The following NDUFB2 variants were observed in gnomAD, a reference collection of about 807,000 sequenced individuals.
NDUFB2 encodes the protein NADH:ubiquinone oxidoreductase subunit B2.
Under a neutral mutation model 13.4 loss-of-function variants are expected in NDUFB2, and 13 were observed. The ratio of observed to expected loss-of-function variants is 0.97; its 90% CI spans 0.63 to 1.54. The LOEUF is 1.54. NDUFB2 is among the 40% of genes most tolerant of loss of function. The pLI is 0.00. For missense variants in NDUFB2, 150 were observed against 139.7 expected, an observed-to-expected ratio of 1.07 and a Z score of -0.37; for synonymous variants, 47 against 50.6, an observed-to-expected ratio of 0.93 and a Z score of 0.30.
At chr7:140,701,771 A>C in intron 1 of NDUFB2, 1 of 222,256 alleles carries the variant, frequency 4.5e-6, no homozygotes, top group Non-Finnish European at 8.2e-6. Flanking sequence ...CGTCTCTACT[A>C]AAAAAAAAAC....
At chr7:140,697,077 A>T (rs1794819684) in intron 1 of NDUFB2, 1 of 589,152 alleles carries the variant, frequency 1.7e-6, no homozygotes, top group African/African-American at 1.9e-5. Flanking sequence ...CCGTCATGGT[A>T]GTAGGGGCCG....
At chr7:140,704,326 CTG>C (rs1253514960) in intron 2 of NDUFB2, among the ~76,000 whole-genome samples, 1 of 152,162 alleles carries the variant, frequency 6.6e-6, no homozygotes, top group Non-Finnish European at 1.5e-5. Flanking sequence ...GCCTGGGTGT[CTG>C]TGAACTGTCC....
intron 1 of NDUFB2, among the ~76,000 whole-genome samples, chr7:140,702,251 C>T (rs1022220486): frequency 2.0e-5 from 3 of 152,210 alleles, no homozygotes; most frequent in Admixed American, 6.6e-5. Flanking sequence ...TTAGATGCAA[C>T]GTATAATATT....
intron 1 of NDUFB2, chr7:140,698,249 G>T (rs1244289258): frequency 7.4e-7 from 1 of 1,351,572 alleles, no homozygotes; most frequent in Non-Finnish European, 9.8e-7. Context: ...GGAGATGGGG[G>T]AATGCCGATC....
chr7:140,696,889 A>G (rs1794815604), intron 1 of NDUFB2, 47 bp downstream of exon 1: 11 of 1,531,642 alleles, frequency 7.2e-6, no homozygotes, highest in Non-Finnish European at 9.8e-6. Context: ...TGTAGCGGAC[A>G]GCGCGGGTCC....
At chr7:140,701,983 A>C in intron 1 of NDUFB2, 2 of 690,122 alleles carry the variant, frequency 2.9e-6, no homozygotes, top group South Asian at 1.5e-5. Context: ...TGTATCAAGA[A>C]CCACTGCCCT....
chr7:140,701,771 A>G (rs1244545885), intron 1 of NDUFB2: 3 of 222,256 alleles, frequency 1.3e-5, no homozygotes, highest in South Asian at 1.2e-4. Context: ...CGTCTCTACT[A>G]AAAAAAAAAC....
Position 140,702,940 on chromosome 7 carries a change from G to A in NDUFB2, c.173G>A (p.Ser58Asn). 1 of 1,614,072 alleles carries A rather than the reference G, an allele frequency of 6.2e-7. No homozygotes were observed. ...PQLTRSQVFQ[S>N]EFFSGLMWFW... ...CTGACCAGATCCCAGGTGTTCCAGAGCGAGTTCTTCAGCGGACTCATGTGG... is the reference window on the plus strand; with the variant it reads ...CTGACCAGATCCCAGGTGTTCCAGAACGAGTTCTTCAGCGGACTCATGTGG... The change falls in exon 2 of 4, where the codon AGC becomes AAC. Residue 58 changes from serine to asparagine, a missense_variant. Ser to Asn is a conservative substitution (Grantham distance 46). Transcript: ENST00000247866.
intron 1 of NDUFB2, chr7:140,697,450 G>T: frequency 1.4e-6 from 1 of 700,804 alleles, no homozygotes; most frequent in South Asian, 1.5e-5. Flanking sequence ...TTAGGAGAGT[G>T]ACAGGCAGAG....
At chr7:140,697,549 C>G (rs765670311) in intron 1 of NDUFB2, among the ~76,000 whole-genome samples, 1 of 151,744 alleles carries the variant, frequency 6.6e-6, no homozygotes, top group Admixed American at 6.6e-5. Context: ...GGAGCAGCTG[C>G]CGAAGCCGAG....
chr7:140,700,014 A>C (rs1794873994), intron 1 of NDUFB2, among the ~76,000 whole-genome samples: 1 of 151,846 alleles, frequency 6.6e-6, no homozygotes, highest in Non-Finnish European at 1.5e-5. Context: ...TCCATTTTGC[A>C]GTCCCTACTT....
At chr7:140,705,768 C>T (rs1473759211) in intron 3 of NDUFB2, 1 of 152,214 alleles carries the variant, frequency 6.6e-6, no homozygotes, top group African/African-American at 2.4e-5. Context: ...TACGTAGCTG[C>T]AAAACTACAG....
chr7:140,706,200 C>T (rs1359991352), intron 3 of NDUFB2: 1 of 152,056 alleles, frequency 6.6e-6, no homozygotes, highest in Non-Finnish European at 1.5e-5. Context: ...AAGTGATTCT[C>T]CCGCCTCAGC....
At chr7:140,697,296 C>G (rs1406060412) in intron 1 of NDUFB2, 1 of 702,776 alleles carries the variant, frequency 1.4e-6, no homozygotes, top group African/African-American at 1.7e-5. Context: ...TGTTCGGCAG[C>G]CTTTAATCGG....
intron 1 of NDUFB2, among the ~76,000 whole-genome samples, chr7:140,699,428 G>T (rs373827472): frequency 2.0e-5 from 3 of 152,208 alleles, no homozygotes; most frequent in East Asian, 3.9e-4. Flanking sequence ...TTAAATTCTC[G>T]GCTTGGGGTT....
At position 140,696,728 on chromosome 7, in the gene NDUFB2, G is replaced by A. The variant is rs1303755220; in HGVS notation, c.-17G>A. On this transcript the variant is annotated 5_prime_UTR_variant, in exon 1 of 4. Coordinates refer to ENST00000247866, the MANE Select transcript of NDUFB2 (RefSeq NM_004546.3). ...GGGGCGAGGCGGCTGGGGACCGCGG[G>A]GCGGACGGGAGCGAGTATGTCCGCT... 2 of 1,572,300 alleles carry A rather than the reference G, an allele frequency of 1.3e-6. No individual in the cohort carries two copies. Among genetic ancestry groups the A allele is most frequent in the Non-Finnish European group, 1.7e-6 (2 of 1,160,214 alleles).
chr7:140,696,926 C>A, intron 1 of NDUFB2, 84 bp downstream of exon 1: 1 of 1,315,222 alleles, frequency 7.6e-7, no homozygotes, highest in Non-Finnish European at 1.1e-6. Context: ...TTGACTGGGG[C>A]GCCTGAAGAG....
At chr7:140,706,149 A>G (rs1427370378) in intron 3 of NDUFB2, 2 of 151,844 alleles carry the variant, frequency 1.3e-5, no homozygotes, top group Non-Finnish European at 2.9e-5. Context: ...ACTGGAGTGC[A>G]GCGTGATCAT....
chr7:140,704,882 C>A lies in NDUFB2; in HGVS notation c.266C>A (p.Pro89His). 6.2e-7 allele frequency: 1 copy of A among 1,601,320 alleles called. No individual in the cohort carries two copies. The highest frequency in any genetic ancestry group is 1.1e-5 in the South Asian group (1 of 88,306). ...CAGGGTCACTTTCCGTATCCTGATC[C>A]TTCCCAGTGGACAGATGAAGAATTA... ...EVLGHFPYPDPSQWTDEELGI... is the reference protein window; with the variant it reads ...EVLGHFPYPDHSQWTDEELGI... Residue 89 changes from proline (P) to histidine (H), a missense_variant, in exon 3 of 4, where the codon CCT (proline) becomes CAT (histidine). Transcript: ENST00000247866.
Sources: gnomAD v4.1 joint callset for allele counts (sites outside exome capture counted in the v4.1 genomes callset) on GRCh38, gnomAD v4.1.1 for gene constraint, MANE v1.5 for transcripts, NCBI Gene and HGNC (gene_info 2026-07-23, HGNC 2026-07-21) for gene names.